Variants in MARCHF1 observed in about 807,000 individuals in gnomAD.
MARCHF1 encodes the protein E3 ubiquitin-protein ligase MARCHF1.
MARCHF1 carries 40 observed loss-of-function variants against 54.2 expected under a neutral mutation model. The observed-to-expected ratio is 0.74, with a 90% CI of 0.57 to 0.96. MARCHF1 has a LOEUF of 0.96. Among genes scored for constraint, MARCHF1 ranks in the 40% least tolerant of loss-of-function variants. The probability of loss-of-function intolerance (pLI) is 0.00; values close to 1 mark genes in which losing one functional copy is unlikely to be tolerated. For synonymous variants in MARCHF1, 236 were observed against 236.3 expected, an observed-to-expected ratio of 1.00 and a Z score of 0.01; for missense variants, 586 against 656.5, an observed-to-expected ratio of 0.89 and a Z score of 1.17.
At chr4:164,137,121 T>C (rs1756419258) in intron 1 of MARCHF1, among the ~76,000 whole-genome samples, 4 of 152,218 alleles carry the variant, frequency 2.6e-5, no homozygotes, top group Admixed American at 2.6e-4. Flanking sequence ...TTTACCTTAG[T>C]CAAAAATATT....
intron 1 of MARCHF1, among the ~76,000 whole-genome samples, chr4:164,339,915 C>T (rs565410128): frequency 6.6e-6 from 1 of 152,094 alleles, no homozygotes; most frequent in South Asian, 2.1e-4. Context: ...TACAAATAAT[C>T]CGAATATTAT....
At chr4:163,648,282 G>A (rs1172412264) in intron 5 of MARCHF1, among the ~76,000 whole-genome samples, 1 of 151,868 alleles carries the variant, frequency 6.6e-6, no homozygotes. Context: ...AAGTAGAAAT[G>A]TACCTTCATA....
chr4:164,338,070 A>T (rs1170311009), intron 1 of MARCHF1, among the ~76,000 whole-genome samples: 1 of 152,320 alleles, frequency 6.6e-6, no homozygotes, highest in Non-Finnish European at 1.5e-5. Flanking sequence ...ATAATTTGTT[A>T]AAAAATTCAT....
intron 5 of MARCHF1, among the ~76,000 whole-genome samples, chr4:163,666,467 A>G (rs1353210141): frequency 6.6e-6 from 1 of 152,094 alleles, no homozygotes; most frequent in Non-Finnish European, 1.5e-5. Context: ...AGCAATAGGG[A>G]TTATTTCATG....
At chr4:163,782,686 AAGAAAG>A (rs1747502591) in intron 4 of MARCHF1, among the ~76,000 whole-genome samples, 1 of 150,364 alleles carries the variant, frequency 6.7e-6, no homozygotes, top group African/African-American at 2.5e-5. Flanking sequence ...AAAAAAAAAA[AAGAAAG>A]AAAGAAAAGG....
At chr4:164,245,058 A>G (rs2111224760) in intron 1 of MARCHF1, among the ~76,000 whole-genome samples, 2 of 152,348 alleles carry the variant, frequency 1.3e-5, no homozygotes, top group Non-Finnish European at 2.9e-5. Flanking sequence ...ATTCCTTCTG[A>G]AACTATTCCA....
intron 2 of MARCHF1, among the ~76,000 whole-genome samples, chr4:164,035,038 T>C (rs1753963589): frequency 1.3e-5 from 2 of 152,162 alleles, no homozygotes; most frequent in Non-Finnish European, 2.9e-5. Flanking sequence ...ATAAAGGAGA[T>C]ATCAAAGAGA....
intron 2 of MARCHF1, among the ~76,000 whole-genome samples, chr4:163,998,272 ACAGT>A (rs1753118677): frequency 6.6e-6 from 1 of 151,488 alleles, no homozygotes; most frequent in African/African-American, 2.4e-5. Context: ...GAGCATTGTA[ACAGT>A]CATTCAGATT....
intron 2 of MARCHF1, among the ~76,000 whole-genome samples, chr4:164,052,014 T>C (rs1019682293): frequency 1.3e-5 from 2 of 152,188 alleles, no homozygotes; most frequent in African/African-American, 4.8e-5. Flanking sequence ...TCTATCTAGC[T>C]GACTTCCAGA....
chr4:163,590,559 A>G (rs1740558777), intron 7 of MARCHF1, among the ~76,000 whole-genome samples: 3 of 152,136 alleles, frequency 2.0e-5, no homozygotes, highest in Admixed American at 2.0e-4. Context: ...CCACTCTTCA[A>G]GAACTCTATC....
At chr4:164,261,199 C>A (rs1228462859) in intron 1 of MARCHF1, among the ~76,000 whole-genome samples, 2 of 152,136 alleles carry the variant, frequency 1.3e-5, no homozygotes, top group Non-Finnish European at 2.9e-5. Flanking sequence ...TTGATCTGGA[C>A]TTCTCACCTC....
intron 3 of MARCHF1, among the ~76,000 whole-genome samples, chr4:163,868,735 T>C (rs966884597): frequency 4.6e-5 from 7 of 151,986 alleles, no homozygotes; most frequent in Admixed American, 4.6e-4. Flanking sequence ...ATATTCTGTT[T>C]CACTGTGGAG....
At chr4:164,146,042 A>C (rs199620952) in intron 1 of MARCHF1, among the ~76,000 whole-genome samples, 7,751 of 66,198 alleles carry the variant, frequency 0.12, 667 homozygotes, top group African/African-American at 0.26. Context: ...ACAAACAGAG[A>C]GCCAAATCAT....
At chr4:163,931,159 AACTGCATTGGAT>A (rs1196473997) in intron 3 of MARCHF1, among the ~76,000 whole-genome samples, 10 of 152,160 alleles carry the variant, frequency 6.6e-5, no homozygotes, top group African/African-American at 2.2e-4. Flanking sequence ...CCTCACCAGA[AACTGCATTGGAT>A]GGAACCTCAA....
intron 1 of MARCHF1, chr4:164,189,166 G>T: frequency 1.7e-6 from 1 of 578,878 alleles, no homozygotes; most frequent in Non-Finnish European, 3.2e-6. Context: ...GCGTGTCATG[G>T]AACATTTCAT....
chr4:164,328,686 C>T (rs1735347863), intron 1 of MARCHF1, among the ~76,000 whole-genome samples: 3 of 152,082 alleles, frequency 2.0e-5, no homozygotes, highest in Non-Finnish European at 4.4e-5. Flanking sequence ...TGCACCAGCA[C>T]GCTCAGCTAA....
chr4:163,928,418 T>C (rs1294101781), intron 3 of MARCHF1, among the ~76,000 whole-genome samples: 1 of 151,808 alleles, frequency 6.6e-6, no homozygotes, highest in African/African-American at 2.4e-5. Flanking sequence ...GAGCTAGGCG[T>C]GGTGGCAGAG....
At chr4:163,689,927 G>T (rs1744392031) in intron 5 of MARCHF1, among the ~76,000 whole-genome samples, 1 of 152,154 alleles carries the variant, frequency 6.6e-6, no homozygotes, top group African/African-American at 2.4e-5. Flanking sequence ...TGTCAAGATT[G>T]CCCCTGCCAG....
At chr4:163,926,756 T>A (rs189290347) in intron 3 of MARCHF1, among the ~76,000 whole-genome samples, 32 of 151,474 alleles carry the variant, frequency 2.1e-4, no homozygotes, top group Admixed American at 2.0e-3. Flanking sequence ...TTTTAAAGAG[T>A]TTTTAAAGAA....
Sources: allele counts gnomAD v4.1 joint callset (sites outside exome capture counted in the v4.1 genomes callset), GRCh38; gene constraint gnomAD v4.1.1; transcripts MANE v1.5; gene names NCBI Gene and HGNC (gene_info 2026-07-23, HGNC 2026-07-21).